Variants in SBNO1 observed in about 807,000 individuals in gnomAD.
The protein encoded by SBNO1 is protein strawberry notch homolog 1.
Under a neutral mutation model 173.6 loss-of-function variants are expected in SBNO1, and 23 were observed. That is an observed-to-expected ratio of 0.13 (90% CI 0.10 to 0.19). The LOEUF (loss-of-function observed/expected upper bound fraction) is 0.19. Ranked by LOEUF, SBNO1 falls within the 10% of genes least tolerant of loss-of-function variation. The pLI is 1.00. For synonymous variants in SBNO1, 632 were observed against 571.5 expected (o/e 1.11, Z -1.51); for missense variants, 1,238 against 1,671.2 (o/e 0.74, Z 4.52).
intron 28 of SBNO1, 24 bp downstream of exon 28, chr12:123,309,286 T>C (rs761729057): frequency 1.3e-6 from 2 of 1,556,426 alleles, no homozygotes; most frequent in African/African-American, 2.7e-5. Flanking sequence ...TATATCTGAA[T>C]AGAATTTAAA....
chr12:123,297,810 G>C lies in SBNO1; in HGVS notation c.4039+168C>G, dbSNP rs77097967. ...CAACCAGAACCAACAATGTCTGTTT[G>C]AAGGCTTAACTTCTGTTCAACCTTG... is the stretch of plus-strand genomic sequence containing the variant. On this transcript the variant is annotated intron_variant, in intron 31 of 31. Coordinates refer to ENST00000602398, the MANE Select transcript of SBNO1 (RefSeq NM_001167856.3). Among the ~76,000 whole-genome samples, 221 of 152,300 alleles carry C rather than the reference G, an allele frequency of 1.5e-3. No individual in the cohort carries two copies. The East Asian group carries it at 0.027, about 18-fold the overall frequency.
rs374329401 is a variant in SBNO1, at chr12:123,350,325, G to C, written c.117C>G (p.Thr39=). 6 of 1,614,036 alleles carry C rather than the reference G, an allele frequency of 3.7e-6. No homozygotes were observed. Among genetic ancestry groups the C allele is most frequent in the Non-Finnish European group, 5.1e-6 (6 of 1,179,970 alleles). Residue 39 remains threonine, a synonymous_variant, in exon 2 of 32, where the codon ACC becomes ACG. Transcript: ENST00000602398. ...AAACTCTTACCTGCTGAACTGACGG[G>C]GTAGGCATTGGAGTTGCAAGCCCTG... is the stretch of plus-strand genomic sequence containing the variant. ...GDAGLATPMP[T]PSVQQSVPLS... is the part of the protein sequence containing the mutation.
intron 8 of SBNO1, among the ~76,000 whole-genome samples, chr12:123,330,796 T>C (rs1045383154): frequency 5.9e-5 from 9 of 151,792 alleles, no homozygotes; most frequent in African/African-American, 2.2e-4. Flanking sequence ...AGCATGGTAG[T>C]GCATGCCTGT....
rs1421168044 is a variant in SBNO1 at position 123,291,683 on chromosome 12, A to G, written c.*4225T>C. 1 of 137,130 alleles carries G rather than the reference A, an allele frequency of 7.3e-6. No homozygotes were observed. The highest frequency in any genetic ancestry group is 3.4e-4 in the East Asian group (1 of 2,914). The allele number at this position is 137,130 out of a possible 1,614,324, so 8.5% of individuals were successfully genotyped here. ...AAAAGTTTTCCATACTTTTCTTAAA[A>G]AAAAAAAAAAAAAAAAGTCATAAGA... On this transcript the variant is annotated 3_prime_UTR_variant, in exon 32 of 32. Transcript: ENST00000602398.
chr12:123,329,720 G>A (rs1437874926), intron 9 of SBNO1, among the ~76,000 whole-genome samples: 1 of 152,114 alleles, frequency 6.6e-6, no homozygotes. Flanking sequence ...CCACTGTTTA[G>A]GGCAACACTG....
intron 1 of SBNO1, among the ~76,000 whole-genome samples, chr12:123,355,641 G>C (rs1874377638): frequency 6.6e-6 from 1 of 151,868 alleles, no homozygotes; most frequent in African/African-American, 2.4e-5. Context: ...AAATTAGCTG[G>C]GTGCAGTGAC....
intron 20 of SBNO1, among the ~76,000 whole-genome samples, chr12:123,317,914 A>T (rs1869478215): frequency 6.6e-6 from 1 of 152,234 alleles, no homozygotes; most frequent in African/African-American, 2.4e-5. Flanking sequence ...TATATAAAAT[A>T]ACTAATACCT....
Position 123,302,885 on chromosome 12 carries a change from C to T in SBNO1, c.3784G>A (p.Ala1262Thr), listed in dbSNP as rs773053976. 22 of 1,612,534 alleles carry T rather than the reference C, an allele frequency of 1.4e-5. 1 individual carries two copies. The highest frequency in any genetic ancestry group is 2.7e-5 in the African/African-American group (2 of 74,888). The change falls in exon 30 of 32, where the codon GCC becomes ACC. Residue 1262 changes from alanine to threonine, a missense_variant. Ala to Thr is a moderately conservative substitution (Grantham distance 58, BLOSUM62 0). Around this residue, in one of 14 missense-constraint regions of SBNO1, gnomAD observed 351 missense variants for 420.3 expected, o/e 0.84. Transcript: ENST00000602398. ...KKYKKVVSDD[A>T]LMHWLDQYNS... Reference sequence around the variant, plus strand: ...TACTGATCTAACCAGTGCATCAGGGCATCATCTGAGACGACCTGTAAAAAT... The same window carrying T: ...TACTGATCTAACCAGTGCATCAGGGTATCATCTGAGACGACCTGTAAAAAT...
At position 123,294,634 on chromosome 12, in the gene SBNO1, C is replaced by CAAAAAAAAAAAAAAAA. The variant is rs143013489; in HGVS notation, c.*1258_*1273dup. On this transcript the variant is annotated 3_prime_UTR_variant, in exon 32 of 32. Coordinates refer to ENST00000602398, the MANE Select transcript of SBNO1 (RefSeq NM_001167856.3). Reference sequence around the variant, plus strand: ...TTTTCAATAGTGCAACCTGTGGAAGCAAAAAAAAAAAAAAAAAAAAAAAAA... The same window carrying CAAAAAAAAAAAAAAAA: ...TTTTCAATAGTGCAACCTGTGGAAGCAAAAAAAAAAAAAAAAAAAAAAAAAAAAAAAAAAAAAAAAA... The CAAAAAAAAAAAAAAAA allele has an allele frequency of 1.9e-3, 116 of 60,032 alleles. 3 individuals carry two copies. Among genetic ancestry groups the CAAAAAAAAAAAAAAAA allele is most frequent in the African/African-American group, 6.7e-3 (82 of 12,274 alleles). 3.7% of individuals were successfully genotyped at this position (60,032 alleles called of 1,614,324 possible). A position where few individuals can be genotyped will look rare whatever the true frequency, so the allele number is the denominator to read the frequency against.
chr12:123,347,857 G>A (rs1279227322), intron 3 of SBNO1, among the ~76,000 whole-genome samples, 172 bp downstream of exon 3: 1 of 151,988 alleles, frequency 6.6e-6, no homozygotes, highest in Non-Finnish European at 1.5e-5. Flanking sequence ...TATAGAGATG[G>A]GGTCCTGCCA....
At chr12:123,353,329 C>T (rs905904365) in intron 1 of SBNO1, among the ~76,000 whole-genome samples, 3 of 152,134 alleles carry the variant, frequency 2.0e-5, no homozygotes, top group Admixed American at 2.0e-4. Flanking sequence ...AGTTCACTCA[C>T]GCAGGAAGTG....
chr12:123,320,224 A>C lies in SBNO1; in HGVS notation c.2668-193T>G, dbSNP rs12371973. 7.2e-5 allele frequency among the ~76,000 whole-genome samples: 11 copies of C among 152,190 alleles called. No homozygotes were observed. In the East Asian group the frequency reaches 2.1e-3, roughly 29 times the overall value. On this transcript the variant is annotated intron_variant, in intron 19 of 31. Coordinates refer to ENST00000602398, the MANE Select transcript of SBNO1 (RefSeq NM_001167856.3). Reference sequence around the variant, plus strand: ...TGGCCACGATCACAAAAGATGCGTGATAAGTGCAGTAACTAGGACCAGTGG... The same window carrying C: ...TGGCCACGATCACAAAAGATGCGTGCTAAGTGCAGTAACTAGGACCAGTGG...
chr12:123,358,264 G>A (rs769546979), intron 1 of SBNO1, among the ~76,000 whole-genome samples: 2 of 152,216 alleles, frequency 1.3e-5, no homozygotes, highest in Non-Finnish European at 2.9e-5. Flanking sequence ...GAGGTCAAGA[G>A]TGGAATTTCC....
rs138608894 is a variant in SBNO1, at chr12:123,336,470, C to T, written c.673G>A (p.Asp225Asn). 1.2e-6 allele frequency: 2 copies of T among 1,612,462 alleles called. No homozygotes were observed. Among genetic ancestry groups the T allele is most frequent in the South Asian group, 1.1e-5 (1 of 90,822 alleles). ...PTMKVPVVKE[D>N]DEPEEEDEEE... The stretch of plus-strand genomic sequence containing the variant: ...TCATCTTCTTCCTCTGGTTCATCAT[C>T]TTCTTTTACAACAGGAACCTTCTGC... The change falls in exon 6 of 32, where the codon GAT becomes AAT. Residue 225 changes from aspartate (D) to asparagine (N), a missense_variant. By Grantham distance (23) the Asp-to-Asn change is conservative. Coordinates refer to ENST00000602398, the MANE Select transcript of SBNO1 (RefSeq NM_001167856.3).
At position 123,294,662 on chromosome 12, in the gene SBNO1, G is replaced by GAAAGAAAAAAAAAAAAAAAAAAAAA. The variant is rs2048565081; in HGVS notation, c.*1245_*1246insTTTTTTTTTTTTTTTTTTTTTCTTT. 1.2e-5 allele frequency: 1 copy of GAAAGAAAAAAAAAAAAAAAAAAAAA among 83,664 alleles called. No homozygotes were observed. Among genetic ancestry groups the GAAAGAAAAAAAAAAAAAAAAAAAAA allele is most frequent in the Non-Finnish European group, 2.4e-5 (1 of 41,868 alleles). 5.2% of individuals were successfully genotyped at this position (83,664 alleles called of 1,614,324 possible). On this transcript the variant is annotated 3_prime_UTR_variant, in exon 32 of 32. Coordinates refer to ENST00000602398, the MANE Select transcript of SBNO1 (RefSeq NM_001167856.3). ...AAAAAAAAAAAAAAAAAAAAAAAAA[G>GAAAGAAAAAAAAAAAAAAAAAAAAA]AAAAAAAGAAAAGAAAGAAAAAGAA...
At chr12:123,357,393 G>A (rs1277870290) in intron 1 of SBNO1, among the ~76,000 whole-genome samples, 1 of 151,540 alleles carries the variant, frequency 6.6e-6, no homozygotes, top group Non-Finnish European at 1.5e-5. Context: ...AGGTTGCAGT[G>A]AGCCGAGACT....
chr12:123,345,661 T>A, intron 3 of SBNO1, 91 bp from the exon 4 acceptor site: 2 of 1,076,616 alleles, frequency 1.9e-6, no homozygotes, highest in Non-Finnish European at 2.7e-6. Context: ...ACTAAAAATC[T>A]AAAATGCACT....
chr12:123,291,563 A>ATAT lies in SBNO1; in HGVS notation c.*4344_*4345insATA, dbSNP rs2048511486. ...TACAATGCATTGCACACAACACAAT[A>ATAT]AGACATAGTAAAAAACATTAACACA... On this transcript the variant is annotated 3_prime_UTR_variant, in exon 32 of 32. Transcript: ENST00000602398. 1 of 152,148 alleles carries ATAT rather than the reference A, an allele frequency of 6.6e-6. No individual in the cohort carries two copies. Among genetic ancestry groups the ATAT allele is most frequent in the African/African-American group, 2.4e-5 (1 of 41,438 alleles). The allele number at this position is 152,148 out of a possible 1,614,324, so 9.4% of individuals were successfully genotyped here.
At chr12:123,304,037 T>G (rs1227453822) in intron 29 of SBNO1, among the ~76,000 whole-genome samples, 2 of 151,076 alleles carry the variant, frequency 1.3e-5, no homozygotes, top group Admixed American at 1.3e-4. Context: ...TTAAAGTGAT[T>G]CTCCTGCCTC....
Sources: gnomAD v4.1 joint callset for allele counts (sites outside exome capture counted in the v4.1 genomes callset) on GRCh38, gnomAD v4.1.1 for gene constraint, gnomAD v4.1.1 regional missense constraint, MANE v1.5 for transcripts, NCBI Gene and HGNC (gene_info 2026-07-23, HGNC 2026-07-21) for gene names.